The following BBOF1 variants were observed in gnomAD, a reference collection of about 807,000 sequenced individuals.
BBOF1 encodes basal body-orientation factor 1.
In BBOF1, 62 loss-of-function variants were observed where a neutral mutation model predicts 68.0. The ratio of observed to expected loss-of-function variants is 0.91; its 90% confidence interval spans 0.74 to 1.13. The LOEUF (loss-of-function observed/expected upper bound fraction) is 1.13, where lower values mean the gene tolerates loss of function less well. BBOF1 is among the 50% of genes most tolerant of loss of function. The pLI, the probability that BBOF1 is intolerant of heterozygous loss-of-function variation, is 0.00. For missense variants in BBOF1, 534 were observed against 600.1 expected (o/e 0.89, Z 1.15); for synonymous variants, 208 against 198.8 (o/e 1.05, Z -0.39).
At chr14:74,036,680 T>C (rs1209752288) in intron 4 of BBOF1, among the ~76,000 whole-genome samples, 1 of 37,944 alleles carries the variant, frequency 2.6e-5, no homozygotes, top group Non-Finnish European at 5.4e-5. Flanking sequence ...CGAGACTCTG[T>C]CTCAAAAAAA....
downstream of BBOF1, chr14:74,066,847 G>A (rs1474630693): frequency 1.9e-6 from 3 of 1,614,048 alleles, no homozygotes; most frequent in South Asian, 1.1e-5. Context: ...TTTGGCCTGG[G>A]GAGTGATCAG....
intron 2 of BBOF1, among the ~76,000 whole-genome samples, chr14:74,023,744 C>T (rs2059356412): frequency 6.6e-6 from 1 of 151,620 alleles, no homozygotes; most frequent in Admixed American, 6.6e-5. Flanking sequence ...AGTGAAACCC[C>T]GTCTCTACTA....
chr14:74,076,400 C>T (rs146186265), intron 9 of BBOF1, among the ~76,000 whole-genome samples: 10,368 of 152,124 alleles, frequency 0.068, 548 homozygotes, highest in South Asian at 0.26. Flanking sequence ...CTCACTCTGT[C>T]GCCCAGGCTG....
At chr14:74,019,646 C>G in intron 1 of BBOF1, 112 bp downstream of exon 1, 1 of 1,499,838 alleles carries the variant, frequency 6.7e-7, no homozygotes, top group Non-Finnish European at 9.0e-7. Context: ...CTCTCCCCGG[C>G]TCTCCCGGCT....
At position 74,074,870 on chromosome 14, in the gene BBOF1, T is replaced by A. The variant is rs2060595090; in HGVS notation, n.1380-3326T>A. ...CTAGAAAGTTTCACATACACTCTGA[T>A]GACAATTATGTAAAGAAGATAGAGA... On this transcript the variant is annotated intron_variant and non_coding_transcript_variant, in intron 9 of 12. Coordinates refer to the BBOF1 transcript ENST00000492026. The A allele has an allele frequency of 2.2e-6, 3 of 1,374,160 alleles. No homozygotes were observed. In the African/African-American group the frequency reaches 4.3e-5, roughly 20 times the overall value. The allele number at this position is 1,374,160 out of a possible 1,614,324, so 85.1% of individuals were successfully genotyped here. A position where few individuals can be genotyped will look rare whatever the true frequency, so the allele number is the denominator to read the frequency against.
At chr14:74,037,589 C>CACCT (rs2059736847) in intron 4 of BBOF1, among the ~76,000 whole-genome samples, 1 of 151,496 alleles carries the variant, frequency 6.6e-6, no homozygotes, top group African/African-American at 2.4e-5. Flanking sequence ...CATGCCCAGC[C>CACCT]ACCTGTCTTT....
chr14:74,042,233 G>A (rs2059839856), intron 5 of BBOF1, among the ~76,000 whole-genome samples: 1 of 152,186 alleles, frequency 6.6e-6, no homozygotes, highest in Non-Finnish European at 1.5e-5. Context: ...TCCAGTTTGT[G>A]TATGGAATAA....
At chr14:74,066,708 G>C (rs756896845), downstream of BBOF1, 2 of 1,613,904 alleles carry the variant, frequency 1.2e-6, no homozygotes, top group East Asian at 4.5e-5. Context: ...TGTTCACCTT[G>C]ACATTCGAGA....
At chr14:74,042,104 G>A (rs1419185011) in intron 5 of BBOF1, among the ~76,000 whole-genome samples, 2 of 152,140 alleles carry the variant, frequency 1.3e-5, no homozygotes, top group African/African-American at 2.4e-5. Flanking sequence ...CGAACTCCTG[G>A]GCTCCAGCAA....
intron 12 of BBOF1, among the ~76,000 whole-genome samples, chr14:74,081,588 G>C (rs1320200057): frequency 2.0e-5 from 3 of 152,098 alleles, no homozygotes; most frequent in Admixed American, 6.6e-5. Context: ...CCTGTGGCCA[G>C]TCACCCCAAA....
intron 7 of BBOF1, chr14:74,048,317 C>G: frequency 3.1e-6 from 1 of 322,178 alleles, no homozygotes; most frequent in Non-Finnish European, 5.6e-6. Flanking sequence ...TCCTCTACTA[C>G]CTTAGAATAT....
chr14:74,028,467 TACACACACACACACACACACACACAC>T (rs34677110), intron 2 of BBOF1, among the ~76,000 whole-genome samples: 38 of 138,202 alleles, frequency 2.7e-4, no homozygotes, highest in African/African-American at 8.4e-4. Flanking sequence ...ACTAAAGAAA[TACACACACACACACACACACACACAC>T]ACACACACAC....
At chr14:74,037,459 A>AT (rs1280451837) in intron 4 of BBOF1, among the ~76,000 whole-genome samples, 1,772 of 126,746 alleles carry the variant, frequency 0.014, 38 homozygotes, top group African/African-American at 0.044. Context: ...CACCTGGCTA[A>AT]TTTTTTTTTT....
intron 5 of BBOF1, among the ~76,000 whole-genome samples, chr14:74,043,286 C>T (rs1181134357): frequency 1.3e-5 from 2 of 151,182 alleles, no homozygotes; most frequent in Non-Finnish European, 2.9e-5. Flanking sequence ...CGCGGTGGCT[C>T]ACGCCTGTAA....
intron 2 of BBOF1, among the ~76,000 whole-genome samples, chr14:74,028,821 G>A (rs2059498552): frequency 6.6e-6 from 1 of 151,824 alleles, no homozygotes; most frequent in East Asian, 1.9e-4. Context: ...TGATTCTCCT[G>A]CCTCAGCCTC....
rs766341676 is a variant in BBOF1, at chr14:74,057,126, A to G, written c.1464-18A>G. The G allele has an allele frequency of 5.7e-5, 91 of 1,606,402 alleles. No individual in the cohort carries two copies. In the Middle Eastern group the frequency reaches 6.6e-4, roughly 12 times the overall value. ...GTGTAGAGTTGTTGACGGTTCTGTT[A>G]TTTTGTCATTATTGCAGGGATGAAA... On this transcript the variant is annotated intron_variant, in intron 10 of 11. Coordinates refer to ENST00000394009, the MANE Select transcript of BBOF1 (RefSeq NM_025057.3).
chr14:74,072,158 G>T, intron 9 of BBOF1: 1 of 1,613,104 alleles, frequency 6.2e-7, no homozygotes. Context: ...TGACAAACAT[G>T]CCCTAGGTGA....
At chr14:74,046,910 A>G (rs2059963525) in intron 6 of BBOF1, 1 of 151,756 alleles carries the variant, frequency 6.6e-6, no homozygotes, top group Non-Finnish European at 1.5e-5. Flanking sequence ...TAATTTTTGT[A>G]TTTTTTGTAG....
intron 8 of BBOF1, among the ~76,000 whole-genome samples, chr14:74,050,716 C>T (rs1426819127): frequency 6.6e-6 from 1 of 152,016 alleles, no homozygotes; most frequent in Admixed American, 6.6e-5. Flanking sequence ...TTTTGATACG[C>T]ATACTTTCAG....
Sources: allele counts gnomAD v4.1 joint callset (sites outside exome capture counted in the v4.1 genomes callset), GRCh38; gene constraint gnomAD v4.1.1; transcripts MANE v1.5; gene names NCBI Gene and HGNC (gene_info 2026-07-23, HGNC 2026-07-21).